ZNF585A: variants seen among roughly 807,000 people sequenced by gnomAD.
ZNF585A encodes the protein zinc finger protein 585A.
Under a neutral mutation model 14.9 loss-of-function variants are expected in ZNF585A, and 9 were observed. That is an observed-to-expected ratio of 0.60 (90% CI 0.36 to 1.05). The LOEUF is 1.05. ZNF585A is among the 50% of genes least tolerant of loss of function. ZNF585A has a pLI of 0.01. For synonymous variants in ZNF585A, 276 were observed against 319.9 expected, an observed-to-expected ratio of 0.86 and a Z score of 1.46; for missense variants, 726 against 926.4, an observed-to-expected ratio of 0.78 and a Z score of 2.81.
chr19:37,167,434 A>G (rs752169020), intron 2 of ZNF585A, among the ~76,000 whole-genome samples: 4 of 152,050 alleles, frequency 2.6e-5, no homozygotes, highest in Non-Finnish European at 5.9e-5. Flanking sequence ...TGGCCTCCCA[A>G]AGTGGTGGGA....
intron 2 of ZNF585A, among the ~76,000 whole-genome samples, chr19:37,158,515 T>C (rs1298207367): frequency 1.3e-5 from 2 of 151,608 alleles, no homozygotes; most frequent in African/African-American, 2.4e-5. Flanking sequence ...TTCACAGGAG[T>C]GGGAAGGAGA....
At chr19:37,164,341 T>C (rs1972055579) in intron 2 of ZNF585A, among the ~76,000 whole-genome samples, 1 of 151,896 alleles carries the variant, frequency 6.6e-6, no homozygotes, top group Non-Finnish European at 1.5e-5. Flanking sequence ...AGGCGGAGCT[T>C]GCAGTGAGCC....
chr19:37,158,352 G>C (rs1312453068), intron 2 of ZNF585A, among the ~76,000 whole-genome samples: 1 of 152,208 alleles, frequency 6.6e-6, no homozygotes, highest in African/African-American at 2.4e-5. Flanking sequence ...ACAATGGATA[G>C]ATCAGCTAGT....
At chr19:37,157,872 C>G (rs2088499232) in intron 2 of ZNF585A, among the ~76,000 whole-genome samples, 1 of 149,440 alleles carries the variant, frequency 6.7e-6, no homozygotes, top group Non-Finnish European at 1.5e-5. Context: ...AACCAAACAG[C>G]TGGTGAGGAA....
intron 2 of ZNF585A, among the ~76,000 whole-genome samples, chr19:37,164,449 T>G (rs1407951145): frequency 6.6e-6 from 1 of 151,862 alleles, no homozygotes; most frequent in East Asian, 1.9e-4. Flanking sequence ...AGAAATACAT[T>G]TGTGGTGGGA....
chr19:37,165,975 T>C (rs765637218), intron 2 of ZNF585A, among the ~76,000 whole-genome samples: 1 of 152,218 alleles, frequency 6.6e-6, no homozygotes, highest in Non-Finnish European at 1.5e-5. Flanking sequence ...TTCATGATTG[T>C]TTGAATCTTA....
In ZNF585A at chr19:37,149,892, G is replaced by A. The variant is rs1469570480; in HGVS notation, c.*1697C>T. The A allele has an allele frequency of 6.6e-6, 1 of 152,216 alleles. No homozygotes were observed. Among genetic ancestry groups the A allele is most frequent in the Admixed American group, 6.5e-5 (1 of 15,270 alleles). 9.4% of individuals were successfully genotyped at this position (152,216 alleles called of 1,614,324 possible). The stretch of plus-strand genomic sequence containing the variant: ...CAGGGATCATGACCATGCAAACATG[G>A]AGATGCAATCTTGGGGGAAGTACAG... On this transcript the variant is annotated 3_prime_UTR_variant, in exon 5 of 5. Transcript: ENST00000292841.
chr19:37,161,448 CAG>C (rs1972011499), intron 2 of ZNF585A, among the ~76,000 whole-genome samples: 1 of 152,184 alleles, frequency 6.6e-6, no homozygotes, highest in Non-Finnish European at 1.5e-5. Context: ...ACTGGAAGAT[CAG>C]AGACTCATTG....
chr19:37,154,859 G>A (rs1447898352), intron 4 of ZNF585A, among the ~76,000 whole-genome samples: 5 of 152,046 alleles, frequency 3.3e-5, no homozygotes, highest in Non-Finnish European at 7.4e-5. Context: ...GCAGGAGTGG[G>A]AGTGGGTGAC....
chr19:37,162,303 A>T (rs905345383), intron 2 of ZNF585A, among the ~76,000 whole-genome samples: 3 of 152,134 alleles, frequency 2.0e-5, no homozygotes, highest in Admixed American at 6.5e-5. Context: ...TTTCTTTGTG[A>T]TGTGTGTTGA....
rs960435439 is a variant in ZNF585A, at chr19:37,149,031, G to C, written c.*2558C>G. Reference sequence around the variant, plus strand: ...CAGGCAGAACACAGAGGATTTTTAGGGCAGTGAAACTACTCTGTGTATAAC... The same window carrying C: ...CAGGCAGAACACAGAGGATTTTTAGCGCAGTGAAACTACTCTGTGTATAAC... On this transcript the variant is annotated 3_prime_UTR_variant, in exon 5 of 5. Coordinates refer to ENST00000292841, the MANE Select transcript of ZNF585A (RefSeq NM_001288800.2). The C allele has an allele frequency of 4.6e-5, 7 of 152,112 alleles. No homozygotes were observed. The highest frequency in any genetic ancestry group is 1.7e-4 in the African/African-American group (7 of 41,420). The allele number at this position is 152,112 out of a possible 1,614,324, so 9.4% of individuals were successfully genotyped here.
Position 37,150,153 on chromosome 19 carries a change from G to C in ZNF585A, c.*1436C>G, listed in dbSNP as rs1041869476. On this transcript the variant is annotated 3_prime_UTR_variant, in exon 5 of 5. Transcript: ENST00000292841. ...AGAAGAGGCTCCAAAATACAGTTGG[G>C]AAATGTGGACATTATGGTTCATTGT... The C allele has an allele frequency of 6.6e-6, 1 of 151,998 alleles. No homozygotes were observed. The highest frequency in any genetic ancestry group is 1.5e-5 in the Non-Finnish European group (1 of 68,012). 9.4% of individuals were successfully genotyped at this position (151,998 alleles called of 1,614,324 possible).
intron 2 of ZNF585A, among the ~76,000 whole-genome samples, chr19:37,160,386 A>C (rs185004519): frequency 2.3e-4 from 35 of 148,974 alleles, no homozygotes; most frequent in Admixed American, 1.3e-3. Context: ...AAATAAATAA[A>C]TAACTAGAAA....
chr19:37,153,267 T>A lies in ZNF585A; in HGVS notation c.632A>T (p.Glu211Val). 6.2e-7 allele frequency: 1 copy of A among 1,614,212 alleles called. No individual in the cohort carries two copies. Among genetic ancestry groups the A allele is most frequent in the Non-Finnish European group, 8.5e-7 (1 of 1,180,024 alleles). ...ACACTGGCTGCATTCATAGAGTTTC[T>A]CTCCGGTATGAATTCTCTGATGCCT... ...LFRHQRIHTG[E>V]KLYECSQCGK... Residue 211 changes from glutamate to valine, a missense_variant, in exon 5 of 5, where the codon GAG becomes GTG. Coordinates refer to ENST00000292841, the MANE Select transcript of ZNF585A (RefSeq NM_001288800.2).
At chr19:37,170,802 G>A (rs1478260540) in intron 1 of ZNF585A, among the ~76,000 whole-genome samples, 2 of 152,228 alleles carry the variant, frequency 1.3e-5, no homozygotes, top group East Asian at 3.9e-4. Flanking sequence ...TCAGAAATGA[G>A]GATGAAAATG....
chr19:37,159,150 G>C (rs890373493), intron 2 of ZNF585A, among the ~76,000 whole-genome samples: 2 of 151,044 alleles, frequency 1.3e-5, no homozygotes, highest in African/African-American at 4.9e-5. Context: ...CCAGGAGGCT[G>C]AGGCACGAGA....
In ZNF585A at chr19:37,155,024, G is replaced by A. The variant is rs562269239; in HGVS notation, c.292+841C>T. On this transcript the variant is annotated intron_variant, in intron 4 of 4. Coordinates refer to ENST00000292841, the MANE Select transcript of ZNF585A (RefSeq NM_001288800.2). ...TTTTTTTTTTTTTTTTTTTTGAGACGGAGTCTCGCTCTGTCGCCCAGGCTG... is the reference window on the plus strand; with the variant it reads ...TTTTTTTTTTTTTTTTTTTTGAGACAGAGTCTCGCTCTGTCGCCCAGGCTG... Among the ~76,000 whole-genome samples the A allele has an allele frequency of 4.2e-3, 588 of 141,612 alleles. 3 individuals carry two copies. The highest frequency in any genetic ancestry group is 6.6e-3 in the Non-Finnish European group (431 of 65,740). 92.9% of individuals were successfully genotyped at this position (141,612 alleles called of 152,430 possible).
At position 37,147,880 on chromosome 19, in the gene ZNF585A, C is replaced by G. The variant is rs1390701582; in HGVS notation, c.*3709G>C. 1 of 152,126 alleles carries G rather than the reference C, an allele frequency of 6.6e-6. No homozygotes were observed. Among genetic ancestry groups the G allele is most frequent in the Admixed American group, 6.5e-5 (1 of 15,272 alleles). The allele number at this position is 152,126 out of a possible 1,614,324, so 9.4% of individuals were successfully genotyped here. A position where few individuals can be genotyped will look rare whatever the true frequency, so the allele number is the denominator to read the frequency against. ...AATCATTTCTTTATGTCTGAGCAGC[C>G]CTCCATAGTATTGGTGTACACAATT... On this transcript the variant is annotated 3_prime_UTR_variant, in exon 5 of 5. Coordinates refer to ENST00000292841, the MANE Select transcript of ZNF585A (RefSeq NM_001288800.2).
At chr19:37,159,762 C>T (rs1004690538) in intron 2 of ZNF585A, among the ~76,000 whole-genome samples, 1 of 152,006 alleles carries the variant, frequency 6.6e-6, no homozygotes, top group South Asian at 2.1e-4. Context: ...AATCTCCAAG[C>T]AAATTAAAAA....
Sources: gnomAD v4.1 joint callset for allele counts (sites outside exome capture counted in the v4.1 genomes callset) on GRCh38, gnomAD v4.1.1 for gene constraint, MANE v1.5 for transcripts, NCBI Gene and HGNC (gene_info 2026-07-23, HGNC 2026-07-21) for gene names.